JADE3: variants seen among roughly 807,000 people sequenced by gnomAD.
JADE3 encodes the protein jade family PHD finger 3, also known as protein Jade-3.
A neutral mutation model predicts 50.1 loss-of-function variants in JADE3; 2 were observed. The ratio of observed to expected loss-of-function variants is 0.04; its 90% CI spans 0.02 to 0.13. The LOEUF (loss-of-function observed/expected upper bound fraction) is 0.13, where lower values mean the gene tolerates loss of function less well. JADE3 is among the 10% of genes least tolerant of loss of function. JADE3 has a pLI of 1.00. For synonymous variants in JADE3, 218 were observed against 232.9 expected (o/e 0.94, Z 0.58); for missense variants, 475 against 634.4 (o/e 0.75, Z 2.70).
intron 7 of JADE3, among the ~76,000 whole-genome samples, chrX:47,037,675 T>G (rs1929164032): frequency 8.9e-6 from 1 of 112,089 alleles, no homozygotes; most frequent in African/African-American, 3.2e-5. Context: ...GGTGTATATA[T>G]TTACGGGATG....
chrX:46,997,395 GTAGT>G (rs1466346088), intron 3 of JADE3, among the ~76,000 whole-genome samples: 1 of 111,579 alleles, frequency 9.0e-6, no homozygotes, highest in Non-Finnish European at 1.9e-5. Context: ...GTATGTGCCT[GTAGT>G]CCCAGCTACT....
At chrX:46,972,462 C>T (rs1381646125) in intron 1 of JADE3, among the ~76,000 whole-genome samples, 1 of 112,370 alleles carries the variant, frequency 8.9e-6, no homozygotes, top group Non-Finnish European at 1.9e-5. Context: ...TCCCAAAATG[C>T]TGGGATTACA....
At chrX:47,002,867 C>T (rs1018273624) in intron 4 of JADE3, among the ~76,000 whole-genome samples, 2 of 111,321 alleles carry the variant, frequency 1.8e-5, no homozygotes, top group African/African-American at 6.5e-5. Flanking sequence ...ACATCATTGT[C>T]TTGTTCCCAA....
At chrX:47,017,968 C>G (rs183138087) in intron 4 of JADE3, among the ~76,000 whole-genome samples, 3 of 112,351 alleles carry the variant, frequency 2.7e-5, no homozygotes, top group Non-Finnish European at 5.6e-5. Context: ...ATCTATCCTT[C>G]TAGCTGTAAC....
intron 7 of JADE3, among the ~76,000 whole-genome samples, chrX:47,036,328 A>G (rs1602417504): frequency 1.8e-5 from 2 of 111,131 alleles, no homozygotes; most frequent in South Asian, 7.6e-4. Flanking sequence ...AAAAGAAGAC[A>G]TTTATGCAGC....
At chrX:47,057,467 T>C (rs1929652494) in intron 10 of JADE3, among the ~76,000 whole-genome samples, 1 of 111,703 alleles carries the variant, frequency 9.0e-6, no homozygotes, top group Non-Finnish European at 1.9e-5. Flanking sequence ...TGATTGCCGA[T>C]ACTCCCCAAC....
chrX:46,924,671 G>T lies in JADE3; in HGVS notation c.-12+11952G>T, dbSNP rs782414242. Among the ~76,000 whole-genome samples the T allele has an allele frequency of 2.7e-5, 3 of 111,672 alleles. No individual in the cohort carries two copies. The East Asian group carries it at 8.4e-4, about 31-fold the overall frequency. ...AATTTTATGGTTTTATGACTAGGGA[G>T]CCAGGAATAATTGATTCTAGTTTGG... On this transcript the variant is annotated intron_variant, in intron 1 of 10. Transcript: ENST00000614628.
At chrX:46,953,889 C>A (rs188644848) in intron 1 of JADE3, among the ~76,000 whole-genome samples, 16 of 111,613 alleles carry the variant, frequency 1.4e-4, no homozygotes, top group African/African-American at 4.9e-4. Flanking sequence ...CTTTGCCCTG[C>A]AGAACTTCAT....
At chrX:47,008,948 C>G (rs1928497698) in intron 4 of JADE3, among the ~76,000 whole-genome samples, 1 of 110,584 alleles carries the variant, frequency 9.0e-6, no homozygotes, top group Non-Finnish European at 1.9e-5. Context: ...CTTTTATATT[C>G]ATATATACAC....
At chrX:47,052,415 T>C (rs886759958) in intron 8 of JADE3, among the ~76,000 whole-genome samples, 1 of 108,464 alleles carries the variant, frequency 9.2e-6, no homozygotes, top group Admixed American at 9.9e-5. Flanking sequence ...GCGGATCACC[T>C]GAGGCCAAGC....
In JADE3 at chrX:47,007,557, A is replaced by G. The variant is rs782317576; in HGVS notation, c.284+9280A>G. ...TCTCTGGTAATTTTCTTTACTATGC[A>G]GTCTACTTTATCTGATGTTAGTATA... On this transcript the variant is annotated intron_variant, in intron 4 of 10. Transcript: ENST00000614628. Among the ~76,000 whole-genome samples, 5 of 111,328 alleles carry G rather than the reference A, an allele frequency of 4.5e-5. No individual in the cohort carries two copies. In the Admixed American group the frequency reaches 4.8e-4, roughly 11 times the overall value.
intron 7 of JADE3, among the ~76,000 whole-genome samples, chrX:47,038,089 C>T (rs1374400965): frequency 1.8e-5 from 2 of 111,687 alleles, no homozygotes; most frequent in African/African-American, 6.5e-5. Context: ...ACGTAATGAC[C>T]TCCAGTTCTG....
intron 1 of JADE3, among the ~76,000 whole-genome samples, chrX:46,965,398 G>A (rs1217444513): frequency 9.0e-6 from 1 of 111,330 alleles, no homozygotes; most frequent in East Asian, 2.8e-4. Flanking sequence ...GATAAAGGAA[G>A]AATAACATCC....
intron 9 of JADE3, among the ~76,000 whole-genome samples, chrX:47,055,341 GT>G (rs1428168521): frequency 1.8e-5 from 2 of 109,845 alleles, no homozygotes; most frequent in Admixed American, 9.7e-5. Context: ...AATGGCTTGT[GT>G]TTTTTTTTCT....
chrX:46,983,390 G>A (rs1927797797), intron 1 of JADE3, among the ~76,000 whole-genome samples: 5 of 110,528 alleles, frequency 4.5e-5, no homozygotes, highest in Admixed American at 2.9e-4. Context: ...ACAAGGTAAC[G>A]CCAGAGCAAT....
chrX:46,977,313 T>A (rs1464844315), intron 1 of JADE3, among the ~76,000 whole-genome samples: 1 of 111,890 alleles, frequency 8.9e-6, no homozygotes, highest in Non-Finnish European at 1.9e-5. Context: ...GAGCTGAGAT[T>A]GCACCACTGC....
At chrX:46,995,500 G>A (rs1371979768) in intron 3 of JADE3, among the ~76,000 whole-genome samples, 3 of 111,191 alleles carry the variant, frequency 2.7e-5, no homozygotes, top group Non-Finnish European at 5.7e-5. Flanking sequence ...TTTTTGTTAA[G>A]TTTTTGGTTT....
chrX:46,982,346 T>C (rs1325183249), intron 1 of JADE3, among the ~76,000 whole-genome samples: 4 of 111,855 alleles, frequency 3.6e-5, no homozygotes, highest in South Asian at 3.7e-4. Flanking sequence ...TGATAGTCTC[T>C]GTTTTGTAAA....
intron 1 of JADE3, among the ~76,000 whole-genome samples, chrX:46,964,339 G>A (rs991550573): frequency 5.4e-5 from 6 of 111,905 alleles, no homozygotes; most frequent in South Asian, 3.7e-4. Context: ...TGAGACTTCT[G>A]AGGCTAAATC....
Sources: allele counts gnomAD v4.1 joint callset (sites outside exome capture counted in the v4.1 genomes callset), GRCh38; gene constraint gnomAD v4.1.1; transcripts MANE v1.5; gene names NCBI Gene and HGNC (gene_info 2026-07-23, HGNC 2026-07-21).